Variants in BAZ2B observed in about 807,000 individuals in gnomAD.
BAZ2B encodes the protein bromodomain adjacent to zinc finger domain protein 2B.
Under a neutral mutation model 246.0 loss-of-function variants are expected in BAZ2B, and 91 were observed. That is an observed-to-expected ratio of 0.37 (90% confidence interval 0.31 to 0.44). BAZ2B has a LOEUF of 0.44. BAZ2B is among the 20% of genes least tolerant of loss of function. The pLI, the probability that BAZ2B is intolerant of heterozygous loss-of-function variation, is 1.00. For synonymous variants in BAZ2B, 855 were observed against 860.0 expected (o/e 0.99, Z 0.10); for missense variants, 2,332 against 2,533.7 (o/e 0.92, Z 1.71).
chr2:159,581,085 A>G (rs1347270451), intron 1 of BAZ2B, among the ~76,000 whole-genome samples: 1 of 152,212 alleles, frequency 6.6e-6, no homozygotes, highest in East Asian at 1.9e-4. Flanking sequence ...ATTAAACTAA[A>G]GAGCTTCTGC....
the BAZ2B span, among the ~76,000 whole-genome samples, chr2:159,669,059 A>AG: frequency 6.6e-6 from 1 of 150,402 alleles, no homozygotes; most frequent in African/African-American, 2.4e-5. Context: ...CTCCGTCTCA[A>AG]AAAAAAAAGA....
At chr2:159,599,073 T>C (rs943907680) in intron 1 of BAZ2B, among the ~76,000 whole-genome samples, 4 of 151,386 alleles carry the variant, frequency 2.6e-5, no homozygotes, top group African/African-American at 4.9e-5. Context: ...CTACTAAAAA[T>C]ACAAAAATTA....
chr2:159,598,090 C>T (rs1230463419), intron 1 of BAZ2B, among the ~76,000 whole-genome samples: 13 of 150,724 alleles, frequency 8.6e-5, no homozygotes, highest in African/African-American at 3.2e-4. Flanking sequence ...GCCTCCCGGG[C>T]TCAAGCGATT....
chr2:159,404,471 T>C (rs1241841072), intron 16 of BAZ2B: 2 of 157,334 alleles, frequency 1.3e-5, no homozygotes, highest in South Asian at 2.0e-4. Context: ...AATTTAATTT[T>C]CTACTAATAT....
intron 34 of BAZ2B, among the ~76,000 whole-genome samples, chr2:159,332,033 C>T (rs1350313752): frequency 1.3e-5 from 2 of 151,860 alleles, no homozygotes; most frequent in African/African-American, 4.8e-5. Context: ...TATGGAGAGG[C>T]GGTAGTTAAA....
rs375978952 is a variant in BAZ2B, at chr2:159,350,081, G to C, written c.4490C>G (p.Thr1497Arg). ...PKPNAGANGC[T>R]LSYQNSGKHS... ...TTTTCCACTGTTCTGATAAGACAACGTGCACCCATTTGCACCAGCATTTGG... is the reference window on the plus strand; with the variant it reads ...TTTTCCACTGTTCTGATAAGACAACCTGCACCCATTTGCACCAGCATTTGG... Residue 1497 changes from threonine to arginine, a missense_variant, in exon 28 of 37, where the codon ACG becomes AGG. Thr to Arg is a moderately conservative substitution (Grantham distance 71). Transcript: ENST00000392783. 21 of 1,613,970 alleles carry C rather than the reference G, an allele frequency of 1.3e-5. No homozygotes were observed. The South Asian group carries it at 2.3e-4, about 18-fold the overall frequency.
intron 1 of BAZ2B, among the ~76,000 whole-genome samples, chr2:159,595,570 A>G (rs909445011): frequency 1.3e-5 from 2 of 152,244 alleles, no homozygotes; most frequent in Non-Finnish European, 2.9e-5. Flanking sequence ...ACAGTTCTCA[A>G]TTATTCACCT....
At chr2:159,657,550 A>G in the BAZ2B span, among the ~76,000 whole-genome samples, 2 of 152,212 alleles carry the variant, frequency 1.3e-5, no homozygotes, top group Admixed American at 1.3e-4. Context: ...ATCAAGTTGG[A>G]AAGTGCTGAC....
intron 3 of BAZ2B, among the ~76,000 whole-genome samples, chr2:159,466,782 A>G (rs974993164): frequency 6.6e-6 from 1 of 152,194 alleles, no homozygotes; most frequent in Non-Finnish European, 1.5e-5. Context: ...TCCTAGATCA[A>G]TCAGTCAGGC....
chr2:159,519,271 G>A (rs1483322550), intron 2 of BAZ2B, among the ~76,000 whole-genome samples: 4 of 114,388 alleles, frequency 3.5e-5, no homozygotes, highest in South Asian at 3.1e-4. Flanking sequence ...CGCCCAGGCC[G>A]GACTGCGGAC....
intron 22 of BAZ2B, 66 bp from the exon 23 acceptor site, chr2:159,385,435 T>A: frequency 7.2e-7 from 1 of 1,383,044 alleles, no homozygotes; most frequent in Admixed American, 1.9e-5. Context: ...ACAATAAGAT[T>A]AAAAATCCTC....
At chr2:159,376,483 G>C (rs1359719771) in intron 25 of BAZ2B, among the ~76,000 whole-genome samples, 2 of 152,078 alleles carry the variant, frequency 1.3e-5, no homozygotes, top group Non-Finnish European at 2.9e-5. Context: ...AGGGAACCCA[G>C]TTACAAAGGT....
upstream of BAZ2B, among the ~76,000 whole-genome samples, chr2:159,619,980 AT>A (rs533076597): frequency 1.4e-4 from 21 of 152,308 alleles, no homozygotes; most frequent in South Asian, 4.1e-3. Flanking sequence ...ATCTTTTCCA[AT>A]TTTAGTGAAT....
At chr2:159,389,138 C>CA (rs2063017695) in intron 21 of BAZ2B, among the ~76,000 whole-genome samples, 1 of 151,254 alleles carries the variant, frequency 6.6e-6, no homozygotes, top group Non-Finnish European at 1.5e-5. Flanking sequence ...AACAAACAAA[C>CA]AAAAAAACCG....
chr2:159,428,565 A>C, intron 11 of BAZ2B, 146 bp from the exon 12 acceptor site: 1 of 511,900 alleles, frequency 2.0e-6, no homozygotes, highest in Non-Finnish European at 3.4e-6. Flanking sequence ...AAATACATTA[A>C]CTCTCAAAAT....
chr2:159,581,243 C>T (rs1321033264), intron 1 of BAZ2B, among the ~76,000 whole-genome samples: 3 of 152,114 alleles, frequency 2.0e-5, no homozygotes, highest in Non-Finnish European at 4.4e-5. Context: ...CAAACCACCA[C>T]GTCAAAAAGT....
chr2:159,383,569 G>T (rs749724562), intron 24 of BAZ2B, 37 bp downstream of exon 24: 2 of 1,536,642 alleles, frequency 1.3e-6, no homozygotes, highest in Non-Finnish European at 1.8e-6. Context: ...TGTAGAAAAA[G>T]AAAACAGTAC....
chr2:159,591,853 T>C (rs1363774985), intron 1 of BAZ2B, among the ~76,000 whole-genome samples: 1 of 152,232 alleles, frequency 6.6e-6, no homozygotes, highest in Non-Finnish European at 1.5e-5. Context: ...CTTTAAACTC[T>C]TTCTTTAAAA....
At chr2:159,684,532 T>C in the BAZ2B span, among the ~76,000 whole-genome samples, 7 of 152,216 alleles carry the variant, frequency 4.6e-5, no homozygotes, top group Non-Finnish European at 7.4e-5. Flanking sequence ...ATTATCTCTT[T>C]TTCTCTTTGT....
Sources: allele counts gnomAD v4.1 joint callset (sites outside exome capture counted in the v4.1 genomes callset), GRCh38; gene constraint gnomAD v4.1.1; transcripts MANE v1.5; gene names NCBI Gene and HGNC (gene_info 2026-07-23, HGNC 2026-07-21).